The following ANKMY1 variants were observed in gnomAD, a reference collection of about 807,000 sequenced individuals.
The protein encoded by ANKMY1 is ankyrin repeat and MYND domain-containing protein 1.
In ANKMY1, 98 loss-of-function variants were observed where a neutral mutation model predicts 102.0. That is an observed-to-expected ratio of 0.96 (90% CI 0.82 to 1.14). ANKMY1 has a LOEUF of 1.14. Among genes scored for constraint, ANKMY1 ranks in the 50% most tolerant of loss-of-function variants. The pLI, the probability that ANKMY1 is intolerant of heterozygous loss-of-function variation, is 0.00. For synonymous variants in ANKMY1, 582 were observed against 559.9 expected (o/e 1.04, Z -0.56); for missense variants, 1,330 against 1,347.6 (o/e 0.99, Z 0.20).
intron 4 of ANKMY1, among the ~76,000 whole-genome samples, chr2:240,539,121 C>T (rs560878845): frequency 2.0e-5 from 3 of 152,320 alleles, no homozygotes; most frequent in South Asian, 2.1e-4. Flanking sequence ...CCACTGGGGT[C>T]CCCTTCCACA....
At chr2:240,484,977 T>C (rs908273863) in intron 15 of ANKMY1, among the ~76,000 whole-genome samples, 3 of 151,934 alleles carry the variant, frequency 2.0e-5, no homozygotes, top group African/African-American at 4.8e-5. Flanking sequence ...ATTAGAGAAA[T>C]GCAAATCAAA....
chr2:240,524,437 C>G (rs2082951187), intron 7 of ANKMY1, 56 bp from the exon 8 acceptor site: 2 of 1,531,216 alleles, frequency 1.3e-6, no homozygotes, highest in Admixed American at 2.0e-5. Flanking sequence ...TAACCTCATT[C>G]TAGGACCTTC....
the ANKMY1 span, among the ~76,000 whole-genome samples, chr2:240,474,262 A>ATTTTTT: frequency 4.4e-5 from 4 of 90,984 alleles, no homozygotes; most frequent in Non-Finnish European, 8.1e-5. Context: ...TGCCTGGCTA[A>ATTTTTT]TTTTTTTTTT....
chr2:240,548,916 T>C (rs553024535), intron 4 of ANKMY1, among the ~76,000 whole-genome samples: 115 of 152,306 alleles, frequency 7.6e-4, no homozygotes, highest in African/African-American at 2.7e-3. Context: ...GAAGAATCAA[T>C]ATCGTGAAAA....
Position 240,555,075 on chromosome 2 carries a change from A to G in ANKMY1, c.147-20T>C. 6.2e-7 allele frequency: 1 copy of G among 1,612,168 alleles called. No individual in the cohort carries two copies. The highest frequency in any genetic ancestry group is 2.2e-5 in the East Asian group (1 of 44,844). On this transcript the variant is annotated intron_variant, in intron 2 of 17. Transcript: ENST00000401804. ...ACATCCCTAAAAGGACAGGAGCAGA[A>G]GGAGGGAAGAGTGAAGTGGCTGCAG...
In ANKMY1 at chr2:240,512,823, G is replaced by T. The variant is rs199599373; in HGVS notation, c.2124C>A (p.Asp708Glu). 5 of 1,613,968 alleles carry T rather than the reference G, an allele frequency of 3.1e-6. No individual in the cohort carries two copies. In the East Asian group the frequency reaches 8.9e-5, roughly 29 times the overall value. Residue 708 changes from aspartate to glutamate, a missense_variant, in exon 10 of 18, where the codon GAC (aspartate) becomes GAA (glutamate). By Grantham distance (45) the Asp-to-Glu change is conservative. Coordinates refer to ENST00000401804, the MANE Select transcript of ANKMY1 (RefSeq NM_001282771.3). ...ACACCTTGCCGGGCTTGTAAGTGTC[G>T]TCCTCGTCGGATGCCTTGGCGTCCA... ...TDVDAKASDE[D>E]DTYKPGKLDL...
At chr2:240,534,361 CT>C (rs1405601274) in intron 4 of ANKMY1, among the ~76,000 whole-genome samples, 2 of 152,166 alleles carry the variant, frequency 1.3e-5, no homozygotes, top group Non-Finnish European at 2.9e-5. Context: ...AATCCTAAAC[CT>C]TTGGGAGGCT....
intron 13 of ANKMY1, among the ~76,000 whole-genome samples, chr2:240,504,052 T>C (rs10933609): frequency 0.81 from 122,821 of 152,158 alleles, 49,770 homozygotes; most frequent in East Asian, 0.98. Flanking sequence ...AGCCAGCTCA[T>C]TTCTGTGGCT....
intron 4 of ANKMY1, among the ~76,000 whole-genome samples, chr2:240,536,248 G>A (rs2086697801): frequency 6.6e-6 from 1 of 152,026 alleles, no homozygotes; most frequent in African/African-American, 2.4e-5. Flanking sequence ...AAGAAAACTA[G>A]AATATCAATA....
chr2:240,506,135 CT>C lies in ANKMY1; in HGVS notation c.2526+1424del, dbSNP rs2079030865. ...CCTGGACAAGTCGCTGGGAAGCCCCCTAACCCCGGATGAGGCGCTGGGAGCC... is the reference window on the plus strand; with the variant it reads ...CCTGGACAAGTCGCTGGGAAGCCCCCAACCCCGGATGAGGCGCTGGGAGCC... On this transcript the variant is annotated intron_variant, in intron 13 of 17. Transcript: ENST00000401804. This position sits in a 1 kb window ranked among gnomAD's most constrained non-coding sequence, Gnocchi z 4.9. Among the ~76,000 whole-genome samples the C allele has an allele frequency of 1.3e-5, 2 of 152,082 alleles. No homozygotes were observed. Among genetic ancestry groups the C allele is most frequent in the Admixed American group, 1.3e-4 (2 of 15,274 alleles).
At chr2:240,526,117 C>A (rs549308807) in intron 6 of ANKMY1, 112 bp downstream of exon 6, 3 of 1,300,082 alleles carry the variant, frequency 2.3e-6, no homozygotes, top group African/African-American at 1.5e-5. Context: ...CAATCAGTGT[C>A]CCCATGTACC....
chr2:240,507,814 C>A (rs936522235), intron 12 of ANKMY1, 123 bp from the exon 13 acceptor site: 3 of 1,226,872 alleles, frequency 2.4e-6, no homozygotes, highest in African/African-American at 3.1e-5. Flanking sequence ...CGGAGGCCAC[C>A]GCTGGCCCTT....
chr2:240,481,212 C>T, intron 16 of ANKMY1, 115 bp from the exon 17 acceptor site: 2 of 1,318,050 alleles, frequency 1.5e-6, no homozygotes, highest in Non-Finnish European at 2.0e-6. Flanking sequence ...CCCCACCGTC[C>T]CGCACTGTCC....
At chr2:240,528,940 C>A in intron 5 of ANKMY1, 97 bp downstream of exon 5, 2 of 1,103,610 alleles carry the variant, frequency 1.8e-6, no homozygotes, top group Non-Finnish European at 2.7e-6. Flanking sequence ...CCTGAGGGAG[C>A]ACTGTCAGTG....
chr2:240,527,112 G>T, intron 5 of ANKMY1: 1 of 533,632 alleles, frequency 1.9e-6, no homozygotes, highest in Non-Finnish European at 2.4e-6. Flanking sequence ...GGATGGGTGG[G>T]TGGGAAGATG....
At chr2:240,545,157 G>A (rs1421238902) in intron 4 of ANKMY1, among the ~76,000 whole-genome samples, 1 of 152,260 alleles carries the variant, frequency 6.6e-6, no homozygotes, top group Non-Finnish European at 1.5e-5. Context: ...CGCAGCTGGA[G>A]ATCTGAGAAC....
chr2:240,491,538 T>C (rs1221891195), intron 15 of ANKMY1, among the ~76,000 whole-genome samples: 1 of 152,246 alleles, frequency 6.6e-6, no homozygotes, highest in African/African-American at 2.4e-5. Flanking sequence ...GTTTTCATAA[T>C]GGTAAATGTT....
At chr2:240,505,633 G>A (rs578242640) in intron 13 of ANKMY1, among the ~76,000 whole-genome samples, 53 of 152,240 alleles carry the variant, frequency 3.5e-4, no homozygotes, top group African/African-American at 1.2e-3. Flanking sequence ...AGAGTTGGGG[G>A]CATGGTCAGG....
chr2:240,532,025 C>A, intron 4 of ANKMY1: 1 of 444,780 alleles, frequency 2.2e-6, no homozygotes, highest in Non-Finnish European at 4.6e-6. Context: ...GTCTAACATA[C>A]CTGCAATTCG....
Sources: allele counts gnomAD v4.1 joint callset (sites outside exome capture counted in the v4.1 genomes callset), GRCh38; gene constraint gnomAD v4.1.1; non-coding constraint Gnocchi (gnomAD v3.1); transcripts MANE v1.5; gene names NCBI Gene and HGNC (gene_info 2026-07-23, HGNC 2026-07-21).